Variants in COMMD10 observed in about 807,000 individuals in gnomAD.
The protein encoded by COMMD10 is COMM domain-containing protein 10.
A neutral mutation model predicts 28.9 loss-of-function variants in COMMD10; 33 were observed. That is an observed-to-expected ratio of 1.14 (90% CI 0.87 to 1.53). COMMD10 has a LOEUF of 1.53. COMMD10 is among the 40% of genes most tolerant of loss of function. COMMD10 has a pLI of 0.00. For synonymous variants in COMMD10, 110 were observed against 81.7 expected, an observed-to-expected ratio of 1.35 and a Z score of -1.87; for missense variants, 310 against 233.4, an observed-to-expected ratio of 1.33 and a Z score of -2.14.
intron 5 of COMMD10, among the ~76,000 whole-genome samples, chr5:116,208,452 A>G (rs544384007): frequency 3.9e-4 from 59 of 152,246 alleles, no homozygotes; most frequent in African/African-American, 1.4e-3. Flanking sequence ...CTGTGCAGTA[A>G]TGAACAGTTA....
intron 5 of COMMD10, among the ~76,000 whole-genome samples, chr5:116,190,402 T>A (rs1378863064): frequency 6.6e-6 from 1 of 152,186 alleles, no homozygotes; most frequent in Non-Finnish European, 1.5e-5. Context: ...ACAAAATAAT[T>A]GTATGTGCAT....
chr5:116,186,065 T>A (rs1748125875), intron 5 of COMMD10, among the ~76,000 whole-genome samples: 1 of 152,172 alleles, frequency 6.6e-6, no homozygotes, highest in Admixed American at 6.6e-5. Flanking sequence ...GGAATTTTTC[T>A]TTCCTCCATC....
chr5:116,216,929 A>T (rs1749118545), intron 5 of COMMD10, among the ~76,000 whole-genome samples: 2 of 152,084 alleles, frequency 1.3e-5, no homozygotes, highest in South Asian at 4.1e-4. Flanking sequence ...CAGTTATTAC[A>T]CTGTATTTTT....
chr5:116,089,849 G>A (rs1172994231), intron 2 of COMMD10, among the ~76,000 whole-genome samples: 1 of 152,166 alleles, frequency 6.6e-6, no homozygotes, highest in African/African-American at 2.4e-5. Flanking sequence ...ACAGTTTCAG[G>A]GGATCTTCTT....
intron 5 of COMMD10, among the ~76,000 whole-genome samples, chr5:116,155,494 A>G (rs1752678170): frequency 6.6e-6 from 1 of 152,224 alleles, no homozygotes; most frequent in East Asian, 1.9e-4. Flanking sequence ...TATATATTCT[A>G]TATTTGTTAG....
chr5:116,149,628 G>A (rs1181996526), intron 5 of COMMD10, among the ~76,000 whole-genome samples: 3 of 151,362 alleles, frequency 2.0e-5, no homozygotes, highest in Non-Finnish European at 4.4e-5. Flanking sequence ...ATTTTTTCAT[G>A]TGTGTTTTGG....
At chr5:116,144,728 TAAC>T (rs780096760) in intron 5 of COMMD10, among the ~76,000 whole-genome samples, 9 of 151,778 alleles carry the variant, frequency 5.9e-5, no homozygotes, top group Non-Finnish European at 1.2e-4. Flanking sequence ...ATGATTTCAA[TAAC>T]AATTGAGAGG....
chr5:116,130,389 A>T (rs1462404787), intron 4 of COMMD10, among the ~76,000 whole-genome samples: 1 of 151,944 alleles, frequency 6.6e-6, no homozygotes, highest in Non-Finnish European at 1.5e-5. Flanking sequence ...CAGTTCACTT[A>T]TTAGTTTTCT....
At chr5:116,196,015 AG>A (rs1218356964) in intron 5 of COMMD10, among the ~76,000 whole-genome samples, 1 of 152,192 alleles carries the variant, frequency 6.6e-6, no homozygotes, top group Non-Finnish European at 1.5e-5. Context: ...CCATTATGGA[AG>A]ACAGTGTGGA....
chr5:116,216,890 G>T (rs1360831596), intron 5 of COMMD10, among the ~76,000 whole-genome samples: 4 of 152,152 alleles, frequency 2.6e-5, no homozygotes, highest in African/African-American at 9.6e-5. Context: ...CTAAATTACA[G>T]TTTAGTTAAC....
chr5:116,123,796 G>C (rs936826949), intron 4 of COMMD10, among the ~76,000 whole-genome samples: 2 of 152,038 alleles, frequency 1.3e-5, no homozygotes, highest in African/African-American at 4.8e-5. Context: ...GTGTAGTCTT[G>C]GGAGGGTGTA....
intron 5 of COMMD10, among the ~76,000 whole-genome samples, chr5:116,220,094 A>G (rs1283447351): frequency 2.0e-5 from 3 of 152,196 alleles, no homozygotes; most frequent in Admixed American, 6.5e-5. Context: ...GAAGCTTTCT[A>G]TGATAGACAA....
chr5:116,173,714 C>T lies in COMMD10; in HGVS notation c.510+39536C>T, dbSNP rs1753410254. On this transcript the variant is annotated intron_variant, in intron 5 of 6. Transcript: ENST00000274458. ...TAGTTTCATAAATTATCCACCTGCT[C>T]TAGATGCGTTGTAGAGATACAAATA... Among the ~76,000 whole-genome samples, 5 of 152,216 alleles carry T rather than the reference C, an allele frequency of 3.3e-5. No homozygotes were observed. The South Asian group carries it at 1.0e-3, about 32-fold the overall frequency.
intron 5 of COMMD10, among the ~76,000 whole-genome samples, chr5:116,152,886 A>T (rs548328503): frequency 3.3e-5 from 5 of 152,216 alleles, no homozygotes; most frequent in Admixed American, 2.0e-4. Flanking sequence ...TAATTTGTGA[A>T]ATCTTTTTTT....
At chr5:116,292,201 A>C (rs914767660) in intron 6 of COMMD10, among the ~76,000 whole-genome samples, 2 of 152,128 alleles carry the variant, frequency 1.3e-5, no homozygotes, top group African/African-American at 4.8e-5. Flanking sequence ...GAAGACACTT[A>C]AAACAACAGT....
At chr5:116,098,784 T>C (rs1191558073) in intron 4 of COMMD10, among the ~76,000 whole-genome samples, 1 of 152,202 alleles carries the variant, frequency 6.6e-6, no homozygotes, top group African/African-American at 2.4e-5. Context: ...AAGGTGTTTA[T>C]TTTTATTCCA....
chr5:116,214,313 A>G (rs1280910083), intron 5 of COMMD10, among the ~76,000 whole-genome samples: 1 of 152,162 alleles, frequency 6.6e-6, no homozygotes, highest in Admixed American at 6.5e-5. Flanking sequence ...CTCTCATGAA[A>G]TTTACTAACT....
chr5:116,116,318 A>G (rs547405970), intron 4 of COMMD10, among the ~76,000 whole-genome samples: 2 of 152,162 alleles, frequency 1.3e-5, no homozygotes, highest in South Asian at 4.2e-4. Context: ...TTGTTTTATT[A>G]TTTTCTTTAA....
chr5:116,093,514 C>T (rs1458176569), intron 4 of COMMD10, among the ~76,000 whole-genome samples: 1 of 152,094 alleles, frequency 6.6e-6, no homozygotes, highest in Non-Finnish European at 1.5e-5. Context: ...AGTTCTTGAA[C>T]CCCATGGGCC....
Sources: allele counts gnomAD v4.1 joint callset (sites outside exome capture counted in the v4.1 genomes callset), GRCh38; gene constraint gnomAD v4.1.1; transcripts MANE v1.5; gene names NCBI Gene and HGNC (gene_info 2026-07-23, HGNC 2026-07-21).